Variants in GBE1 observed in about 807,000 individuals in gnomAD.
GBE1 encodes 1,4-alpha-glucan branching enzyme 1.
Under a neutral mutation model 88.8 loss-of-function variants are expected in GBE1, and 70 were observed. The ratio of observed to expected loss-of-function variants is 0.79; its 90% CI spans 0.65 to 0.96. The LOEUF is 0.96. GBE1 is among the 40% of genes least tolerant of loss of function. The probability of loss-of-function intolerance (pLI) is 0.00; values close to 1 mark genes in which losing one functional copy is unlikely to be tolerated. For missense variants in GBE1, 872 were observed against 871.0 expected (o/e 1.00, Z -0.01); for synonymous variants, 284 against 300.1 (o/e 0.95, Z 0.56).
At chr3:81,761,290 G>T in intron 1 of GBE1, 85 bp downstream of exon 1, 1 of 1,490,830 alleles carries the variant, frequency 6.7e-7, no homozygotes, top group Non-Finnish European at 9.0e-7. Flanking sequence ...TGGCGCGCGA[G>T]GGCCGAGGGG....
chr3:81,622,123 C>T (rs904611897), intron 7 of GBE1, among the ~76,000 whole-genome samples: 1 of 152,176 alleles, frequency 6.6e-6, no homozygotes, highest in African/African-American at 2.4e-5. Context: ...TCTCTCTATA[C>T]ATAAAAGTTT....
At chr3:81,651,539 C>T (rs1704851473) in intron 3 of GBE1, among the ~76,000 whole-genome samples, 1 of 151,900 alleles carries the variant, frequency 6.6e-6, no homozygotes, top group Admixed American at 6.6e-5. Context: ...ATCAATAAGA[C>T]CAATCTATTT....
chr3:81,491,641 A>T (rs1702436605), intron 15 of GBE1, among the ~76,000 whole-genome samples: 1 of 152,178 alleles, frequency 6.6e-6, no homozygotes, highest in South Asian at 2.1e-4. Flanking sequence ...TGTCATTGTG[A>T]CAATCTGTCT....
intron 14 of GBE1, among the ~76,000 whole-genome samples, chr3:81,504,017 AAGG>A (rs999421637): frequency 3.1e-4 from 47 of 152,204 alleles, no homozygotes; most frequent in Non-Finnish European, 5.1e-4. Context: ...AAGAGAGAGC[AAGG>A]AGGAGGAGTG....
intron 1 of GBE1, among the ~76,000 whole-genome samples, chr3:81,723,097 C>T (rs1706058353): frequency 6.6e-6 from 1 of 151,798 alleles, no homozygotes; most frequent in East Asian, 1.9e-4. Flanking sequence ...CAAGAAATTA[C>T]AGGTTGGTAA....
chr3:81,728,443 A>G (rs929155282), intron 1 of GBE1, among the ~76,000 whole-genome samples: 3 of 152,190 alleles, frequency 2.0e-5, no homozygotes, highest in African/African-American at 4.8e-5. Flanking sequence ...GATAACAAAA[A>G]TAATGCAAAA....
At chr3:81,594,946 C>G (rs1272579422) in intron 7 of GBE1, among the ~76,000 whole-genome samples, 1 of 151,508 alleles carries the variant, frequency 6.6e-6, no homozygotes, top group African/African-American at 2.4e-5. Flanking sequence ...AATCTTTACC[C>G]CAGTCGAAAT....
Position 81,497,749 on chromosome 3 carries a change from C to G in GBE1, c.2052+1361G>C, listed in dbSNP as rs137997984. Among the ~76,000 whole-genome samples the G allele has an allele frequency of 2.0e-5, 3 of 152,270 alleles. No homozygotes were observed. The East Asian group carries it at 5.8e-4, about 29-fold the overall frequency. ...CATCAGTGAAAGTTCAGTTTGCTTG[C>G]AATCAGTTGCTCCTTCCCAATGACT... On this transcript the variant is annotated intron_variant, in intron 15 of 15. Coordinates refer to ENST00000429644, the MANE Select transcript of GBE1 (RefSeq NM_000158.4).
chr3:81,750,198 A>G (rs996330656), intron 1 of GBE1, among the ~76,000 whole-genome samples: 1 of 152,120 alleles, frequency 6.6e-6, no homozygotes, highest in Non-Finnish European at 1.5e-5. Flanking sequence ...GCAGAAAGAG[A>G]AAAGCTGAGA....
At position 81,490,467 on chromosome 3, in the gene GBE1, C is replaced by T. The variant is rs185009612; in HGVS notation, c.2053-4G>A. 7 of 1,611,224 alleles carry T rather than the reference C, an allele frequency of 4.3e-6. No individual in the cohort carries two copies. In the East Asian group the frequency reaches 8.9e-5, roughly 21 times the overall value. On this transcript the variant is annotated splice_region_variant and splice_polypyrimidine_tract_variant and intron_variant, in intron 15 of 15. Coordinates refer to ENST00000429644, the MANE Select transcript of GBE1 (RefSeq NM_000158.4). The stretch of plus-strand genomic sequence containing the variant: ...CCACTCTGCTTGGAATGTACACCTA[C>T]GTCAAAACAATTATGTCAGTGCAAT...
intron 1 of GBE1, among the ~76,000 whole-genome samples, chr3:81,719,607 A>G (rs1705992416): frequency 6.6e-6 from 1 of 152,228 alleles, no homozygotes; most frequent in Non-Finnish European, 1.5e-5. Context: ...TTCCTGTCAC[A>G]ATAAACTTGA....
chr3:81,524,361 G>C (rs1024963629), intron 14 of GBE1, among the ~76,000 whole-genome samples: 9 of 151,644 alleles, frequency 5.9e-5, no homozygotes, highest in African/African-American at 1.9e-4. Context: ...CCTATTGTTT[G>C]AGCTCCTTAT....
chr3:81,607,934 A>G (rs1180185800), intron 7 of GBE1, among the ~76,000 whole-genome samples: 1 of 152,214 alleles, frequency 6.6e-6, no homozygotes, highest in Non-Finnish European at 1.5e-5. Flanking sequence ...CAGCATAAAA[A>G]GTATAGATAA....
chr3:81,523,064 A>T (rs148939618), intron 14 of GBE1, among the ~76,000 whole-genome samples: 2 of 151,550 alleles, frequency 1.3e-5, no homozygotes, highest in African/African-American at 4.8e-5. Context: ...AAACCGAACC[A>T]GGCTTTCATA....
intron 1 of GBE1, among the ~76,000 whole-genome samples, chr3:81,752,014 T>A (rs1002355392): frequency 6.6e-6 from 1 of 152,234 alleles, no homozygotes; most frequent in Non-Finnish European, 1.5e-5. Context: ...TATATTTGGT[T>A]TCTGATTATC....
chr3:81,642,871 T>G lies in GBE1; in HGVS notation c.902A>C (p.Asn301Thr). The change falls in exon 7 of 16, where the codon AAT (asparagine) becomes ACT (threonine). Residue 301 changes from asparagine (N) to threonine (T), a missense_variant. Asn to Thr is a moderately conservative substitution (Grantham distance 65). Transcript: ENST00000429644. ...HASKNSADGL[N>T]MFDGTDSCYF... ...ACAGGAATCTGTCCCATCAAACATA[T>G]TCAATCCATCTGCTGAATTTTTTGA... 6.2e-7 allele frequency: 1 copy of G among 1,613,098 alleles called. No individual in the cohort carries two copies. Among genetic ancestry groups the G allele is most frequent in the East Asian group, 2.2e-5 (1 of 44,848 alleles).
chr3:81,743,554 C>A, intron 1 of GBE1: 1 of 1,530,430 alleles, frequency 6.5e-7, no homozygotes, highest in South Asian at 1.2e-5. Flanking sequence ...CATAATGAGT[C>A]ACCTCACTTT....
rs142542212 is a variant in GBE1, at chr3:81,664,467, C to T, written c.429+6371G>A. ...AAAAAAAAAAAAAAAAACCTGCCAG[C>T]ACTACGAAGACAAATAGTACAGATA... is the stretch of plus-strand genomic sequence containing the variant. On this transcript the variant is annotated intron_variant, in intron 3 of 15. Coordinates refer to ENST00000429644, the MANE Select transcript of GBE1 (RefSeq NM_000158.4). Among the ~76,000 whole-genome samples the T allele has an allele frequency of 4.3e-3, 640 of 147,432 alleles. 9 individuals carry two copies. Among genetic ancestry groups the T allele is most frequent in the African/African-American group, 0.014 (575 of 40,232 alleles).
intron 12 of GBE1, among the ~76,000 whole-genome samples, chr3:81,573,088 T>C (rs1330059655): frequency 6.6e-6 from 1 of 150,992 alleles, no homozygotes; most frequent in Non-Finnish European, 1.5e-5. Context: ...CCAATGATTA[T>C]TTAAAAAAAA....
Sources: gnomAD v4.1 joint callset for allele counts (sites outside exome capture counted in the v4.1 genomes callset) on GRCh38, gnomAD v4.1.1 for gene constraint, MANE v1.5 for transcripts, NCBI Gene and HGNC (gene_info 2026-07-23, HGNC 2026-07-21) for gene names.